The following TPRG1 variants were observed in gnomAD, a reference collection of about 807,000 sequenced individuals.
The protein encoded by TPRG1 is tumor protein p63-regulated gene 1 protein.
TPRG1 carries 29 observed loss-of-function variants against 29.3 expected under a neutral mutation model. That is an observed-to-expected ratio of 0.99 (90% CI 0.74 to 1.35). TPRG1 has a LOEUF of 1.35. Ranked by LOEUF, TPRG1 falls within the 40% of genes most tolerant of loss-of-function variation. The pLI, the probability that TPRG1 is intolerant of heterozygous loss-of-function variation, is 0.00. For synonymous variants in TPRG1, 130 were observed against 116.8 expected (o/e 1.11, Z -0.73); for missense variants, 327 against 335.0 (o/e 0.98, Z 0.19).
intron 4 of TPRG1, among the ~76,000 whole-genome samples, chr3:189,056,380 G>A (rs1421805181): frequency 6.6e-6 from 1 of 152,122 alleles, no homozygotes; most frequent in African/African-American, 2.4e-5. Context: ...ACAGGCATGA[G>A]CCACCATGCC....
chr3:189,239,044 C>T, intron 4 of TPRG1, 135 bp downstream of exon 4: 2 of 697,788 alleles, frequency 2.9e-6, no homozygotes, highest in Non-Finnish European at 4.5e-6. Context: ...AAGTTGAAAT[C>T]ATTAAACTAG....
intron 4 of TPRG1, among the ~76,000 whole-genome samples, chr3:189,028,388 A>G (rs1016098229): frequency 1.8e-4 from 27 of 152,326 alleles, no homozygotes; most frequent in African/African-American, 6.3e-4. Flanking sequence ...CAATAGTGTC[A>G]CAACTATTTC....
chr3:189,066,945 T>C (rs1374738947), intron 4 of TPRG1, among the ~76,000 whole-genome samples: 1 of 152,096 alleles, frequency 6.6e-6, no homozygotes, highest in African/African-American at 2.4e-5. Flanking sequence ...AAAAAACTAT[T>C]AGAACTCATA....
chr3:189,050,729 C>A (rs1715265122), intron 4 of TPRG1, among the ~76,000 whole-genome samples: 2 of 152,114 alleles, frequency 1.3e-5, no homozygotes. Flanking sequence ...AAAAGGTAAT[C>A]CACCATTATC....
chr3:189,302,311 T>C (rs1468781586), intron 4 of TPRG1, among the ~76,000 whole-genome samples: 1 of 152,218 alleles, frequency 6.6e-6, no homozygotes, highest in Non-Finnish European at 1.5e-5. Context: ...CCTTTAACTA[T>C]GAGAGATTGT....
chr3:189,121,720 A>C (rs1447317174), intron 1 of TPRG1: 1 of 152,220 alleles, frequency 6.6e-6, no homozygotes, highest in African/African-American at 2.4e-5. Context: ...ATAAGGCCTG[A>C]TAACTCCTTG....
intron 3 of TPRG1, among the ~76,000 whole-genome samples, chr3:189,013,171 C>G (rs1712694164): frequency 6.6e-6 from 1 of 152,018 alleles, no homozygotes; most frequent in Non-Finnish European, 1.5e-5. Flanking sequence ...ATAAATTTCC[C>G]TCTTTTCACT....
chr3:189,110,083 T>A (rs1401109379), intron 1 of TPRG1, among the ~76,000 whole-genome samples: 1 of 152,204 alleles, frequency 6.6e-6, no homozygotes, highest in Non-Finnish European at 1.5e-5. Context: ...AACATTAGCA[T>A]ACAGGATTTT....
chr3:189,116,679 A>G (rs953380109), intron 1 of TPRG1, among the ~76,000 whole-genome samples: 2 of 152,248 alleles, frequency 1.3e-5, no homozygotes, highest in African/African-American at 2.4e-5. Context: ...GAAATAAGCC[A>G]GTCATAAAAA....
At chr3:189,319,963 G>A (rs1724116132) in intron 5 of TPRG1, among the ~76,000 whole-genome samples, 1 of 151,924 alleles carries the variant, frequency 6.6e-6, no homozygotes, top group African/African-American at 2.4e-5. Context: ...TTCATTGTAT[G>A]GGTCTCAGTT....
At chr3:189,012,503 T>G (rs1221961307) in intron 3 of TPRG1, among the ~76,000 whole-genome samples, 1 of 152,166 alleles carries the variant, frequency 6.6e-6, no homozygotes, top group Non-Finnish European at 1.5e-5. Context: ...AGCTTTTTGA[T>G]GTGCTGCTGG....
At chr3:189,189,657 G>C (rs1731420501) in intron 1 of TPRG1, among the ~76,000 whole-genome samples, 1 of 152,176 alleles carries the variant, frequency 6.6e-6, no homozygotes, top group Non-Finnish European at 1.5e-5. Flanking sequence ...TCTACAGTTA[G>C]ATAACATTAT....
At chr3:189,116,203 A>AGT (rs1721146263) in intron 1 of TPRG1, among the ~76,000 whole-genome samples, 1 of 152,136 alleles carries the variant, frequency 6.6e-6, no homozygotes, top group Non-Finnish European at 1.5e-5. Context: ...TTTGAGATGG[A>AGT]GTGTCACTCT....
chr3:189,080,859 G>A (rs1191808529), intron 4 of TPRG1, among the ~76,000 whole-genome samples: 1 of 151,890 alleles, frequency 6.6e-6, no homozygotes, highest in Non-Finnish European at 1.5e-5. Flanking sequence ...AGTGACATGA[G>A]AAAATGGTAT....
intron 4 of TPRG1, among the ~76,000 whole-genome samples, chr3:189,080,595 T>C (rs1717527750): frequency 6.6e-6 from 1 of 152,106 alleles, no homozygotes; most frequent in South Asian, 2.1e-4. Flanking sequence ...AAACTGGCAG[T>C]TGACCAGCAT....
At chr3:189,016,578 C>A (rs1307520680) in intron 3 of TPRG1, among the ~76,000 whole-genome samples, 1 of 152,030 alleles carries the variant, frequency 6.6e-6, no homozygotes, top group African/African-American at 2.4e-5. Context: ...TGCTCTGTGA[C>A]CCCACCCAAA....
At chr3:189,148,116 C>T (rs1242654851) in intron 4 of TPRG1, among the ~76,000 whole-genome samples, 2 of 152,180 alleles carry the variant, frequency 1.3e-5, no homozygotes, top group Admixed American at 6.5e-5. Context: ...TGTTTGTCTG[C>T]AAGGACAAAG....
chr3:189,155,025 A>G (rs1489288063), intron 5 of TPRG1, among the ~76,000 whole-genome samples: 2 of 152,206 alleles, frequency 1.3e-5, no homozygotes. Flanking sequence ...TGTCCTAGGC[A>G]GAGCGAACAG....
chr3:189,290,497 G>T (rs996901689), intron 4 of TPRG1, among the ~76,000 whole-genome samples: 1 of 151,932 alleles, frequency 6.6e-6, no homozygotes, highest in African/African-American at 2.4e-5. Flanking sequence ...AGAAAGCTTT[G>T]TCTTAACCCC....
Sources: gnomAD v4.1 joint callset for allele counts (sites outside exome capture counted in the v4.1 genomes callset) on GRCh38, gnomAD v4.1.1 for gene constraint, MANE v1.5 for transcripts, NCBI Gene and HGNC (gene_info 2026-07-23, HGNC 2026-07-21) for gene names.